Variants in PODXL2 observed in about 807,000 individuals in gnomAD.
The protein encoded by PODXL2 is podocalyxin-like protein 2.
In PODXL2, 17 loss-of-function variants were observed where a neutral mutation model predicts 53.4. The observed-to-expected ratio is 0.32, with a 90% CI of 0.22 to 0.48. PODXL2 has a LOEUF of 0.48. Among genes scored for constraint, PODXL2 ranks in the 20% least tolerant of loss-of-function variants. The pLI is 0.99. For missense variants in PODXL2, 673 were observed against 760.0 expected (o/e 0.89, Z 1.35); for synonymous variants, 311 against 306.7 (o/e 1.01, Z -0.15).
chr3:127,639,554 G>A (rs375663307), intron 2 of PODXL2, 31 bp downstream of exon 2: 387 of 1,574,306 alleles, frequency 2.5e-4, no homozygotes, highest in Non-Finnish European at 3.2e-4. Flanking sequence ...AGCATGTGTT[G>A]AGTGCCAGCC....
At position 127,629,208 on chromosome 3, in the gene PODXL2, G is replaced by C; in HGVS notation, c.-12G>C. The C allele has an allele frequency of 1.0e-6, 1 of 987,936 alleles. No homozygotes were observed. Among genetic ancestry groups the C allele is most frequent in the Non-Finnish European group, 1.2e-6 (1 of 832,734 alleles). 61.2% of individuals were successfully genotyped at this position (987,936 alleles called of 1,614,324 possible). On this transcript the variant is annotated 5_prime_UTR_variant, in exon 1 of 8. Transcript: ENST00000342480. The surrounding 1 kb of genome is among the most constrained non-coding windows in gnomAD (Gnocchi z 6.4). ...CCGCGCCGCTGCGGCTGCAGGCGGC[G>C]ACGGCTACACCATGGGCCGGCTGCT...
intron 2 of PODXL2, 41 bp downstream of exon 2, chr3:127,639,564 C>T (rs1559873160): frequency 6.4e-7 from 1 of 1,554,892 alleles, no homozygotes; most frequent in Non-Finnish European, 8.7e-7. Context: ...GAGTGCCAGC[C>T]AAGTGTCTAG....
Position 127,668,522 on chromosome 3 carries a change from G to A in PODXL2, c.1288G>A (p.Gly430Arg). 1 of 1,580,608 alleles carries A rather than the reference G, an allele frequency of 6.3e-7. No homozygotes were observed. Among genetic ancestry groups the A allele is most frequent in the Non-Finnish European group, 8.6e-7 (1 of 1,164,044 alleles). ...VLPRHGSGHH[G>R]AWHISLSKPS... The stretch of plus-strand genomic sequence containing the variant: ...GCCCCGCCATGGCAGTGGCCACCAT[G>A]GGGCCTGGCACATCTCTCTGAGCAA... Residue 430 changes from glycine to arginine, a missense_variant, in exon 5 of 8, where the codon GGG becomes AGG. Physicochemically the swap from Gly to Arg is moderately radical, Grantham distance 125. This residue lies in a region of PODXL2 where 588 missense variants were observed against 668.3 expected (regional missense o/e 0.88). Coordinates refer to ENST00000342480, the MANE Select transcript of PODXL2 (RefSeq NM_015720.4).
intron 7 of PODXL2, 50 bp downstream of exon 7, chr3:127,671,663 C>CAT (rs2074841534): frequency 6.5e-7 from 1 of 1,549,340 alleles, no homozygotes; most frequent in Non-Finnish European, 8.8e-7. Context: ...GGAGAGTGCC[C>CAT]ATCGATAGGT....
intron 6 of PODXL2, among the ~76,000 whole-genome samples, chr3:127,669,558 AC>A (rs1482185592): frequency 6.6e-6 from 1 of 152,132 alleles, no homozygotes; most frequent in Non-Finnish European, 1.5e-5. Context: ...TGGCAGAGAC[AC>A]CATGCTGCCT....
chr3:127,669,266 A>C, intron 6 of PODXL2, 64 bp downstream of exon 6: 1 of 1,142,954 alleles, frequency 8.7e-7, no homozygotes, highest in Non-Finnish European at 1.3e-6. Flanking sequence ...CTGTTCCTCA[A>C]AGTCCCAGGA....
At chr3:127,648,047 C>T (rs1414096654) in intron 2 of PODXL2, among the ~76,000 whole-genome samples, 1 of 152,038 alleles carries the variant, frequency 6.6e-6, no homozygotes, top group African/African-American at 2.4e-5. Context: ...TTTTTAACCT[C>T]ACAGCAACCT....
rs139297628 is a variant in PODXL2 at position 127,646,502 on chromosome 3, C to A, written c.349+6979C>A. 7.0e-4 allele frequency among the ~76,000 whole-genome samples: 107 copies of A among 152,096 alleles called. 2 individuals are homozygous for A. In the South Asian group the frequency reaches 0.014, roughly 20 times the overall value. On this transcript the variant is annotated intron_variant, in intron 2 of 7. Transcript: ENST00000342480. Reference sequence around the variant, plus strand: ...TCCCAGGTTCAAGTGATTCTCCTGCCTCAGCCTCCCAAGTAGCTGGGATTA... The same window carrying A: ...TCCCAGGTTCAAGTGATTCTCCTGCATCAGCCTCCCAAGTAGCTGGGATTA...
At chr3:127,651,236 C>G (rs1468965261) in intron 2 of PODXL2, among the ~76,000 whole-genome samples, 1 of 152,178 alleles carries the variant, frequency 6.6e-6, no homozygotes, top group African/African-American at 2.4e-5. Flanking sequence ...GCACTCCAGC[C>G]TGGGCGACAG....
At chr3:127,631,875 A>T (rs758480760) in intron 1 of PODXL2, among the ~76,000 whole-genome samples, 1 of 152,270 alleles carries the variant, frequency 6.6e-6, no homozygotes, top group Non-Finnish European at 1.5e-5. Context: ...TTTACTGGAA[A>T]AGGAATGAAA....
chr3:127,665,236 C>T (rs1431395875), intron 4 of PODXL2, among the ~76,000 whole-genome samples: 3 of 152,140 alleles, frequency 2.0e-5, no homozygotes, highest in East Asian at 1.9e-4. Context: ...AATAGTTCCT[C>T]GGCCTTTCTT....
intron 4 of PODXL2, among the ~76,000 whole-genome samples, chr3:127,667,385 C>G (rs556675754): frequency 6.6e-6 from 1 of 152,354 alleles, no homozygotes; most frequent in East Asian, 1.9e-4. Context: ...CATAGCAGGG[C>G]ACTGTGAGAG....
At chr3:127,630,585 AT>A (rs1374517409) in intron 1 of PODXL2, among the ~76,000 whole-genome samples, 1 of 152,178 alleles carries the variant, frequency 6.6e-6, no homozygotes, top group Non-Finnish European at 1.5e-5. Flanking sequence ...GAGGTGGGCC[AT>A]GAACCTGGGA....
chr3:127,669,609 G>C (rs1419349622), intron 6 of PODXL2, among the ~76,000 whole-genome samples: 1 of 152,216 alleles, frequency 6.6e-6, no homozygotes, highest in Non-Finnish European at 1.5e-5. Context: ...GAAACCAAAA[G>C]AGCAAGCCTG....
At chr3:127,659,714 G>A (rs1480967766) in intron 2 of PODXL2, among the ~76,000 whole-genome samples, 1 of 152,222 alleles carries the variant, frequency 6.6e-6, no homozygotes, top group East Asian at 1.9e-4. Context: ...CCCAAGAATG[G>A]CAGGGAGAAT....
intron 2 of PODXL2, 47 bp downstream of exon 2, chr3:127,639,570 T>C (rs753728020): frequency 5.2e-6 from 8 of 1,535,388 alleles, no homozygotes. Flanking sequence ...CAGCCAAGTG[T>C]CTAGGCAAAA....
chr3:127,644,904 C>T (rs1365822819), intron 2 of PODXL2, among the ~76,000 whole-genome samples: 1 of 152,150 alleles, frequency 6.6e-6, no homozygotes, highest in East Asian at 1.9e-4. Context: ...TTGCTTCAGT[C>T]CTGTCCCTCA....
intron 1 of PODXL2, among the ~76,000 whole-genome samples, chr3:127,630,160 G>A (rs1438336638): frequency 1.3e-5 from 2 of 152,156 alleles, no homozygotes; most frequent in African/African-American, 2.4e-5. Flanking sequence ...AGCCCATGAG[G>A]CAGGCGGCCA....
intron 4 of PODXL2, among the ~76,000 whole-genome samples, chr3:127,663,291 A>C (rs570800978): frequency 3.0e-4 from 45 of 152,338 alleles, no homozygotes; most frequent in African/African-American, 1.1e-3. Context: ...ATCAGTATGC[A>C]TCTGATTGCT....
Sources: gnomAD v4.1 joint callset for allele counts (sites outside exome capture counted in the v4.1 genomes callset) on GRCh38, gnomAD v4.1.1 for gene constraint, gnomAD v4.1.1 regional missense constraint, Gnocchi (gnomAD v3.1) non-coding constraint, MANE v1.5 for transcripts, NCBI Gene and HGNC (gene_info 2026-07-23, HGNC 2026-07-21) for gene names.